Variants in CPNE1 observed in about 807,000 individuals in gnomAD.
CPNE1 encodes the protein copine 1.
CPNE1 carries 58 observed loss-of-function variants against 63.2 expected under a neutral mutation model. The observed-to-expected ratio is 0.92, with a 90% CI of 0.74 to 1.14. The LOEUF (loss-of-function observed/expected upper bound fraction) is 1.14, where lower values mean the gene tolerates loss of function less well. CPNE1 is among the 50% of genes most tolerant of loss of function. The pLI, the probability that CPNE1 is intolerant of heterozygous loss-of-function variation, is 0.00. For missense variants in CPNE1, 672 were observed against 661.7 expected, an observed-to-expected ratio of 1.02 and a Z score of -0.17; for synonymous variants, 237 against 249.0, an observed-to-expected ratio of 0.95 and a Z score of 0.45.
At chr20:35,653,351 G>C (rs1037959747) in intron 1 of CPNE1, 1 of 1,614,122 alleles carries the variant, frequency 6.2e-7, no homozygotes, top group African/African-American at 1.3e-5. Context: ...CCCACACCGG[G>C]CAGTCCCGCA....
intron 7 of CPNE1, 51 bp from the exon 8 acceptor site, chr20:35,631,629 T>C (rs762386371): frequency 1.9e-6 from 3 of 1,606,460 alleles, no homozygotes; most frequent in Non-Finnish European, 2.6e-6. Flanking sequence ...CAGATGAGAA[T>C]AAGTCCCTCC....
chr20:35,629,034 C>T (rs2035567472), intron 13 of CPNE1, among the ~76,000 whole-genome samples: 1 of 152,146 alleles, frequency 6.6e-6, no homozygotes, highest in Admixed American at 6.5e-5. Context: ...AATCTTTTTT[C>T]CCTTGAAATG....
At position 35,644,632 on chromosome 20, in the gene CPNE1, G is replaced by A. The variant is rs569646285; in HGVS notation, c.1-11709C>T. On this transcript the variant is annotated intron_variant, in intron 1 of 15. Coordinates refer to ENST00000397443, the MANE Select transcript of CPNE1 (RefSeq NM_152925.3). ...CACATAACTGATGGAACCACGAACC[G>A]ATTCTGAGAATGTTATTTCTATATC... 6.9e-4 allele frequency among the ~76,000 whole-genome samples: 105 copies of A among 151,978 alleles called. 1 individual carries two copies. The highest frequency in any genetic ancestry group is 2.4e-3 in the African/African-American group (98 of 41,554).
intron 1 of CPNE1, chr20:35,654,635 G>A: frequency 1.2e-6 from 2 of 1,614,172 alleles, no homozygotes; most frequent in South Asian, 2.2e-5. Flanking sequence ...GGCACAGAAG[G>A]AACTGGGGGA....
chr20:35,664,647 T>C (rs2034439627), intron 1 of CPNE1, 113 bp downstream of exon 1: 2 of 152,444 alleles, frequency 1.3e-5, no homozygotes, highest in Non-Finnish European at 2.9e-5. Context: ...ACCCTTTGTG[T>C]GGGGCGCTAG....
chr20:35,644,146 AGAGT>A (rs755629667), intron 1 of CPNE1, among the ~76,000 whole-genome samples: 23 of 152,340 alleles, frequency 1.5e-4, no homozygotes, highest in Non-Finnish European at 2.9e-4. Context: ...TGCCCGGCAC[AGAGT>A]AAGTACCCAG....
At chr20:35,627,245 T>C (rs1249784430) in intron 14 of CPNE1, 35 bp downstream of exon 14, 27 of 1,560,304 alleles carry the variant, frequency 1.7e-5, no homozygotes, top group Non-Finnish European at 2.3e-5. Context: ...AAGCCCTTGA[T>C]TGCCACCACT....
At chr20:35,641,157 G>A (rs916609966) in intron 1 of CPNE1, among the ~76,000 whole-genome samples, 2 of 152,172 alleles carry the variant, frequency 1.3e-5, no homozygotes, top group Non-Finnish European at 2.9e-5. Context: ...TTCACAAAAT[G>A]TCAGAAATAA....
chr20:35,655,737 G>T (rs1427950857), intron 1 of CPNE1, among the ~76,000 whole-genome samples: 2 of 152,052 alleles, frequency 1.3e-5, no homozygotes, highest in African/African-American at 2.4e-5. Flanking sequence ...AGAATATATA[G>T]AAGTTAGTAT....
At chr20:35,653,718 T>C (rs757283087) in intron 1 of CPNE1, 14 of 1,614,110 alleles carry the variant, frequency 8.7e-6, no homozygotes, top group Non-Finnish European at 1.2e-5. Flanking sequence ...CATCCCCCTC[T>C]GGATTTAGTA....
chr20:35,657,855 G>A (rs890000615), intron 1 of CPNE1, among the ~76,000 whole-genome samples: 12 of 152,248 alleles, frequency 7.9e-5, no homozygotes, highest in African/African-American at 2.2e-4. Flanking sequence ...GAGGTCAGGA[G>A]TTCAAGACCA....
Position 35,632,554 on chromosome 20 carries a change from T to A in CPNE1, c.272A>T (p.Asp91Val), listed in dbSNP as rs767453300. The A allele has an allele frequency of 3.1e-6, 5 of 1,614,070 alleles. No homozygotes were observed. Among genetic ancestry groups the A allele is most frequent in the Non-Finnish European group, 8.5e-7 (1 of 1,179,962 alleles). ...IDNKTPELRDDDFLGGAECSL... is the reference protein window; with the variant it reads ...IDNKTPELRDVDFLGGAECSL... ...ACACTCAGCACCCCCTAGGAAGTCATCATCCCTCAGCTCTGGCGTCTTGTT... is the reference window on the plus strand; with the variant it reads ...ACACTCAGCACCCCCTAGGAAGTCAACATCCCTCAGCTCTGGCGTCTTGTT... The change falls in exon 3 of 16, where the codon GAT becomes GTT. Residue 91 changes from aspartate to valine, a missense_variant. Physicochemically the swap from Asp to Val is radical, Grantham distance 152 (BLOSUM62 -3). Transcript: ENST00000397443.
At chr20:35,643,778 A>G (rs557684242) in intron 1 of CPNE1, among the ~76,000 whole-genome samples, 49 of 152,134 alleles carry the variant, frequency 3.2e-4, no homozygotes, top group Non-Finnish European at 5.1e-4. Context: ...CTCTGCAATC[A>G]TAAGCTTGAC....
intron 1 of CPNE1, among the ~76,000 whole-genome samples, chr20:35,646,252 C>CAAAAAAAAAAAAAA (rs549372063): frequency 5.1e-5 from 3 of 58,364 alleles, no homozygotes; most frequent in Non-Finnish European, 1.2e-4. Context: ...AAGACCATCT[C>CAAAAAAAAAAAAAA]AAAAAAAAAA....
At chr20:35,654,856 C>T (rs2033800499) in intron 1 of CPNE1, 5 of 1,614,146 alleles carry the variant, frequency 3.1e-6, no homozygotes, top group Non-Finnish European at 4.2e-6. Flanking sequence ...AGGAGCTGTT[C>T]CTACGCTGGC....
chr20:35,655,267 A>G (rs749426991), intron 1 of CPNE1: 1 of 1,612,368 alleles, frequency 6.2e-7, no homozygotes. Flanking sequence ...GAAGTGGCGA[A>G]TGTCCATGGT....
At chr20:35,646,033 C>T (rs1208412754) in intron 1 of CPNE1, among the ~76,000 whole-genome samples, 1 of 151,560 alleles carries the variant, frequency 6.6e-6, no homozygotes, top group Non-Finnish European at 1.5e-5. Flanking sequence ...ACTTGAGCCC[C>T]GGAGTTCAAG....
chr20:35,627,164 G>A lies in CPNE1; in HGVS notation c.1236+116C>T, dbSNP rs1339067492. On this transcript the variant is annotated intron_variant, in intron 14 of 15. Transcript: ENST00000397443. ...GATCGCGTCACTGCACTCCAGCCTGGGTGACAGAGCAAGAGTCCATCTCAA... is the reference window on the plus strand; with the variant it reads ...GATCGCGTCACTGCACTCCAGCCTGAGTGACAGAGCAAGAGTCCATCTCAA... 4.8e-6 allele frequency: 5 copies of A among 1,049,748 alleles called. No individual in the cohort carries two copies. In the Admixed American group the frequency reaches 1.2e-4, roughly 26 times the overall value. The allele number at this position is 1,049,748 out of a possible 1,614,324, so 65.0% of individuals were successfully genotyped here.
Position 35,654,738 on chromosome 20 carries a change from C to T in CPNE1, c.-1+10022G>A, listed in dbSNP as rs74404345. 2.5e-3 allele frequency: 4,013 copies of T among 1,613,642 alleles called. 122 individuals are homozygous for T. In the East Asian group the frequency reaches 0.069, roughly 28 times the overall value. ...ATGGCATTGGTGGCAGAGATGGCAT[C>T]GCTGGAATTGGAGGAATTGGTGGCG... On this transcript the variant is annotated intron_variant, in intron 1 of 15. Coordinates refer to ENST00000397443, the MANE Select transcript of CPNE1 (RefSeq NM_152925.3).
Sources: allele counts gnomAD v4.1 joint callset (sites outside exome capture counted in the v4.1 genomes callset), GRCh38; gene constraint gnomAD v4.1.1; transcripts MANE v1.5; gene names NCBI Gene and HGNC (gene_info 2026-07-23, HGNC 2026-07-21).